FBXO32: variants seen among roughly 807,000 people sequenced by gnomAD.
FBXO32 encodes F-box only protein 32.
In FBXO32, 15 loss-of-function variants were observed where a neutral mutation model predicts 48.3. The observed-to-expected ratio is 0.31, with a 90% CI of 0.21 to 0.48. FBXO32 has a LOEUF of 0.48. Ranked by LOEUF, FBXO32 falls within the 20% of genes least tolerant of loss-of-function variation. FBXO32 has a pLI of 0.99. For missense variants in FBXO32, 309 were observed against 432.7 expected (o/e 0.71, Z 2.54); for synonymous variants, 154 against 165.9 (o/e 0.93, Z 0.55).
At position 123,514,204 on chromosome 8, in the gene FBXO32, C is replaced by T. The variant is rs769595846; in HGVS notation, c.466+36G>A. The stretch of plus-strand genomic sequence containing the variant: ...AAAATCCATCTGCCCACCTCCATGC[C>T]TATAAAAAGGGGCGAGAGAGTGAGA... On this transcript the variant is annotated intron_variant, in intron 5 of 8. Transcript: ENST00000517956. 2.6e-6 allele frequency: 4 copies of T among 1,538,106 alleles called. No individual in the cohort carries two copies. In the South Asian group the frequency reaches 3.5e-5, roughly 13 times the overall value.
chr8:123,540,800 G>T lies in FBXO32; in HGVS notation c.116+99C>A, dbSNP rs970459915. ...GGGTCAGGGTCTCCCTCCTCAGCCC[G>T]CTCCAGCCCTGCCTGCCCCTCATTC... On this transcript the variant is annotated intron_variant, in intron 1 of 8. Transcript: ENST00000517956. This position sits in a 1 kb window ranked among gnomAD's most constrained non-coding sequence, Gnocchi z 6.4. The T allele has an allele frequency of 3.9e-6, 4 of 1,030,216 alleles. No homozygotes were observed. In the African/African-American group the frequency reaches 6.5e-5, roughly 17 times the overall value. 63.8% of individuals were successfully genotyped at this position (1,030,216 alleles called of 1,614,324 possible).
At chr8:123,532,341 G>A (rs1817226907) in intron 3 of FBXO32, among the ~76,000 whole-genome samples, 1 of 152,230 alleles carries the variant, frequency 6.6e-6, no homozygotes, top group Admixed American at 6.5e-5. Flanking sequence ...GACATGGGAG[G>A]CCATGATGGT....
chr8:123,518,206 T>C (rs1294835370), intron 4 of FBXO32, among the ~76,000 whole-genome samples: 1 of 152,254 alleles, frequency 6.6e-6, no homozygotes, highest in Non-Finnish European at 1.5e-5. Context: ...CTTCAAAATA[T>C]GCACAGTAAT....
intron 4 of FBXO32, among the ~76,000 whole-genome samples, chr8:123,516,059 TAA>T (rs1816833224): frequency 6.6e-6 from 1 of 152,128 alleles, no homozygotes; most frequent in Non-Finnish European, 1.5e-5. Flanking sequence ...GAAGGAATCT[TAA>T]GAGACCATCT....
At position 123,513,470 on chromosome 8, in the gene FBXO32, C is replaced by T. The variant is rs1816777554; in HGVS notation, c.467-88G>A. On this transcript the variant is annotated intron_variant, in intron 5 of 8. Coordinates refer to ENST00000517956, the MANE Select transcript of FBXO32 (RefSeq NM_058229.4). The surrounding 1 kb of genome is among the most constrained non-coding windows in gnomAD (Gnocchi z 4.3). ...TGAGCTTGTCTCTGTCTGTATTCCA[C>T]TCATGTTACCCAGGCACTGCCTCTG... The T allele has an allele frequency of 8.7e-7, 1 of 1,144,298 alleles. No individual in the cohort carries two copies. Among genetic ancestry groups the T allele is most frequent in the Admixed American group, 2.1e-5 (1 of 46,954 alleles). The allele number at this position is 1,144,298 out of a possible 1,614,324, so 70.9% of individuals were successfully genotyped here.
At chr8:123,530,820 T>C (rs189881221) in intron 4 of FBXO32, among the ~76,000 whole-genome samples, 5,766 of 151,480 alleles carry the variant, frequency 0.038, 171 homozygotes, top group Non-Finnish European at 0.059. Context: ...GGTTTCACTA[T>C]GTTGGCCAGG....
In FBXO32 at chr8:123,534,694, T is replaced by C. The variant is rs1817276897; in HGVS notation, c.229+8A>G. The C allele has an allele frequency of 1.3e-6, 2 of 1,588,072 alleles. No individual in the cohort carries two copies. Among genetic ancestry groups the C allele is most frequent in the African/African-American group, 1.3e-5 (1 of 74,274 alleles). ...GCTTTTTTCTGAAGTTCAAAACAAA[T>C]GGCTTACACTGAGTTTTGGTTTTGC... On this transcript the variant is annotated splice_region_variant and intron_variant, in intron 2 of 8. Transcript: ENST00000517956.
At position 123,498,657 on chromosome 8, in the gene FBXO32, C is replaced by T. The variant is rs1030211314; in HGVS notation, c.*4716G>A. 1 of 152,166 alleles carries T rather than the reference C, an allele frequency of 6.6e-6. No individual in the cohort carries two copies. Among genetic ancestry groups the T allele is most frequent in the Non-Finnish European group, 1.5e-5 (1 of 68,048 alleles). 9.4% of individuals were successfully genotyped at this position (152,166 alleles called of 1,614,324 possible). On this transcript the variant is annotated 3_prime_UTR_variant, in exon 9 of 9. Transcript: ENST00000517956. ...AATGGAGAAGATGGATTAAATGTAC[C>T]TCTGAGTCTAGGGGAGAGGAAACAC...
chr8:123,536,697 G>A (rs1359082398), intron 1 of FBXO32, among the ~76,000 whole-genome samples: 1 of 152,208 alleles, frequency 6.6e-6, no homozygotes, highest in African/African-American at 2.4e-5. Flanking sequence ...AATTCCACAT[G>A]TAGAGAATCA....
chr8:123,520,888 C>G (rs1340846686), intron 4 of FBXO32, among the ~76,000 whole-genome samples: 5 of 152,210 alleles, frequency 3.3e-5, no homozygotes, highest in Non-Finnish European at 7.3e-5. Flanking sequence ...CAAATTCACT[C>G]TGCTCCGGCT....
At chr8:123,504,984 C>T (rs762487959) in intron 7 of FBXO32, among the ~76,000 whole-genome samples, 11 of 152,196 alleles carry the variant, frequency 7.2e-5, no homozygotes, top group Admixed American at 3.9e-4. Context: ...AACCAGGTGG[C>T]TGGTGACATG....
At chr8:123,528,585 A>G (rs4871384) in intron 4 of FBXO32, among the ~76,000 whole-genome samples, 52,863 of 152,118 alleles carry the variant, frequency 0.35, 9,851 homozygotes, top group African/African-American at 0.43. Context: ...CAATGCATGT[A>G]GCTTGTAGCC....
At chr8:123,507,787 C>T (rs1816659508) in intron 6 of FBXO32, among the ~76,000 whole-genome samples, 2 of 152,146 alleles carry the variant, frequency 1.3e-5, no homozygotes, top group African/African-American at 4.8e-5. Flanking sequence ...AGCCACCTCT[C>T]CTGAGTGCCT....
At position 123,540,430 on chromosome 8, in the gene FBXO32, C is replaced by T. The variant is rs1254270544; in HGVS notation, c.116+469G>A. Among the ~76,000 whole-genome samples the T allele has an allele frequency of 6.6e-6, 1 of 152,252 alleles. No homozygotes were observed. Among genetic ancestry groups the T allele is most frequent in the African/African-American group, 2.4e-5 (1 of 41,474 alleles). Reference sequence around the variant, plus strand: ...GGCCTGGAAGCGCTCCAGGCGGGACCTTCGTCGGATCCCGTCACCTGTCGC... The same window carrying T: ...GGCCTGGAAGCGCTCCAGGCGGGACTTTCGTCGGATCCCGTCACCTGTCGC... On this transcript the variant is annotated intron_variant, in intron 1 of 8. Transcript: ENST00000517956. This position sits in a 1 kb window ranked among gnomAD's most constrained non-coding sequence, Gnocchi z 6.4.
Position 123,531,934 on chromosome 8 carries a change from G to A in FBXO32, c.336C>T (p.Ala112=), listed in dbSNP as rs1458026529. The A allele has an allele frequency of 2.5e-6, 4 of 1,614,066 alleles. No homozygotes were observed. In the African/African-American group the frequency reaches 5.3e-5, roughly 22 times the overall value. ...AGTTAAATCTTCTGGAATCCAGAATGGCAGTTGAGAAGTCCAGTCTGTTGA... is the reference window on the plus strand; with the variant it reads ...AGTTAAATCTTCTGGAATCCAGAATAGCAGTTGAGAAGTCCAGTCTGTTGA... The part of the protein sequence containing the change: ...EAFNRLDFST[A]ILDSRRFNYV... The change falls in exon 4 of 9, where the codon GCC becomes GCT. Residue 112 remains alanine (A), a synonymous_variant. Transcript: ENST00000517956.
chr8:123,506,619 C>A lies in FBXO32; in HGVS notation c.652-45G>T, dbSNP rs539362690. 1 of 1,514,862 alleles carries A rather than the reference C, an allele frequency of 6.6e-7. No individual in the cohort carries two copies. Among genetic ancestry groups the A allele is most frequent in the Admixed American group, 1.9e-5 (1 of 53,402 alleles). The allele number at this position is 1,514,862 out of a possible 1,614,324, so 93.8% of individuals were successfully genotyped here. ...AATAGGTGGGGGGGCCAGAGAGCAG[C>A]GATTCACCAGGCCACACCCTCCAGG... On this transcript the variant is annotated intron_variant, in intron 6 of 8. Coordinates refer to ENST00000517956, the MANE Select transcript of FBXO32 (RefSeq NM_058229.4). The surrounding 1 kb of genome is among the most constrained non-coding windows in gnomAD (Gnocchi z 4.0).
Position 123,513,004 on chromosome 8 carries a change from G to A in FBXO32, c.651+194C>T, listed in dbSNP as rs561019433. Reference sequence around the variant, plus strand: ...GTCATCTTTCATGTACTTTGATCCCGTTTTGCCAAGTTTTTCTTCCCACTT... The same window carrying A: ...GTCATCTTTCATGTACTTTGATCCCATTTTGCCAAGTTTTTCTTCCCACTT... On this transcript the variant is annotated intron_variant, in intron 6 of 8. Coordinates refer to ENST00000517956, the MANE Select transcript of FBXO32 (RefSeq NM_058229.4). This position sits in a 1 kb window ranked among gnomAD's most constrained non-coding sequence, Gnocchi z 4.3. 2.0e-5 allele frequency among the ~76,000 whole-genome samples: 3 copies of A among 152,206 alleles called. No homozygotes were observed. The highest frequency in any genetic ancestry group is 4.4e-5 in the Non-Finnish European group (3 of 68,004).
At chr8:123,537,939 G>C (rs1384457483) in intron 1 of FBXO32, among the ~76,000 whole-genome samples, 1 of 152,084 alleles carries the variant, frequency 6.6e-6, no homozygotes, top group East Asian at 1.9e-4. Flanking sequence ...GTGAGGGGGT[G>C]GTTGCTGAGG....
chr8:123,506,584 GA>G lies in FBXO32; in HGVS notation c.652-11del. 6.3e-7 allele frequency: 1 copy of G among 1,576,922 alleles called. No individual in the cohort carries two copies. The highest frequency in any genetic ancestry group is 8.6e-7 in the Non-Finnish European group (1 of 1,156,894). ...GGCCTTTGAAGGCAGGCTGCAGAGA[GA>G]AGGGTGACAATAGGTGGGGGGGCCA... On this transcript the variant is annotated splice_polypyrimidine_tract_variant and intron_variant, in intron 6 of 8. Coordinates refer to ENST00000517956, the MANE Select transcript of FBXO32 (RefSeq NM_058229.4). The surrounding 1 kb of genome is among the most constrained non-coding windows in gnomAD (Gnocchi z 4.0).
Sources: gnomAD v4.1 joint callset for allele counts (sites outside exome capture counted in the v4.1 genomes callset) on GRCh38, gnomAD v4.1.1 for gene constraint, Gnocchi (gnomAD v3.1) non-coding constraint, MANE v1.5 for transcripts, NCBI Gene and HGNC (gene_info 2026-07-23, HGNC 2026-07-21) for gene names.